The following PPP2R1A variants were observed in gnomAD, a reference collection of about 807,000 sequenced individuals.
PPP2R1A encodes the protein serine/threonine-protein phosphatase 2A 65 kDa regulatory subunit A alpha isoform.
Under a neutral mutation model 67.1 loss-of-function variants are expected in PPP2R1A, and 15 were observed. The observed-to-expected ratio is 0.22, with a 90% confidence interval of 0.15 to 0.34. The LOEUF (loss-of-function observed/expected upper bound fraction) is 0.34, where lower values mean the gene tolerates loss of function less well. Ranked by LOEUF, PPP2R1A falls within the 10% of genes least tolerant of loss-of-function variation. The pLI, the probability that PPP2R1A is intolerant of heterozygous loss-of-function variation, is 1.00. For missense variants in PPP2R1A, 369 were observed against 775.0 expected, an observed-to-expected ratio of 0.48 and a Z score of 6.22; for synonymous variants, 337 against 325.0, an observed-to-expected ratio of 1.04 and a Z score of -0.40.
Position 52,212,887 on chromosome 19 carries a change from C to T in PPP2R1A, c.651+54C>T, listed in dbSNP as rs945692319. On this transcript the variant is annotated intron_variant, in intron 5 of 14. Transcript: ENST00000322088. This position sits in a 1 kb window ranked among gnomAD's most constrained non-coding sequence, Gnocchi z 4.1. ...TCCCGTCCTTCTGGTGGTTCCTGCC[C>T]ATGAAAGAGAATCCCAGAGCTCAGC... The T allele has an allele frequency of 6.4e-7, 1 of 1,567,970 alleles. No individual in the cohort carries two copies. Among genetic ancestry groups the T allele is most frequent in the Non-Finnish European group, 8.7e-7 (1 of 1,155,428 alleles).
chr19:52,205,854 A>G, intron 2 of PPP2R1A, 109 bp from the exon 3 acceptor site: 1 of 873,650 alleles, frequency 1.1e-6, no homozygotes, highest in Non-Finnish European at 1.9e-6. Flanking sequence ...CGGATGGAAG[A>G]ACTGAGTGCT....
At chr19:52,195,203 G>A (rs1192335474) in intron 1 of PPP2R1A, among the ~76,000 whole-genome samples, 4 of 152,232 alleles carry the variant, frequency 2.6e-5, no homozygotes, top group South Asian at 2.1e-4. Context: ...GTGGGAAGGC[G>A]GATTTTATTT....
chr19:52,208,269 G>C (rs1335242738), intron 3 of PPP2R1A, among the ~76,000 whole-genome samples: 2 of 151,060 alleles, frequency 1.3e-5, no homozygotes, highest in African/African-American at 4.9e-5. Flanking sequence ...CCCAGGTTCA[G>C]GTGATTCTCC....
At chr19:52,191,539 G>C (rs949613411) in intron 1 of PPP2R1A, 6 of 152,140 alleles carry the variant, frequency 3.9e-5, no homozygotes, top group Admixed American at 2.0e-4. Flanking sequence ...TGCCAAACGT[G>C]GGTCTCGCCT....
At position 52,213,778 on chromosome 19, in the gene PPP2R1A, G is replaced by A. The variant is rs998493893; in HGVS notation, c.807+668G>A. On this transcript the variant is annotated intron_variant, in intron 6 of 14. Coordinates refer to ENST00000322088, the MANE Select transcript of PPP2R1A (RefSeq NM_014225.6). This position sits in a 1 kb window ranked among gnomAD's most constrained non-coding sequence, Gnocchi z 4.2. ...TGGGATTACAGGTGTTAGCCACCGC[G>A]CCCAGCCCCGGAAAGTTTAATTAAC... Among the ~76,000 whole-genome samples the A allele has an allele frequency of 2.6e-5, 4 of 151,928 alleles. No individual in the cohort carries two copies. The highest frequency in any genetic ancestry group is 9.7e-5 in the African/African-American group (4 of 41,334).
At position 52,214,924 on chromosome 19, in the gene PPP2R1A, C is replaced by G. The variant is rs200470028; in HGVS notation, c.808-855C>G. On this transcript the variant is annotated intron_variant, in intron 6 of 14. Transcript: ENST00000322088. Reference sequence around the variant, plus strand: ...TATTTTTAGTAGAGATGGGGTTTCACCATGTTGGCCAGGCTGGTCTCGAAT... The same window carrying G: ...TATTTTTAGTAGAGATGGGGTTTCAGCATGTTGGCCAGGCTGGTCTCGAAT... Among the ~76,000 whole-genome samples the G allele has an allele frequency of 3.5e-4, 54 of 152,238 alleles. No homozygotes were observed. The East Asian group carries it at 5.4e-3, about 15-fold the overall frequency.
rs945560047 is a variant in PPP2R1A, at chr19:52,211,420, G to A, written c.431G>A (p.Arg144His). 6.2e-7 allele frequency: 1 copy of A among 1,613,844 alleles called. No individual in the cohort carries two copies. The change falls in exon 4 of 15, where the codon CGC (arginine) becomes CAC (histidine). Residue 144 changes from arginine to histidine, a missense_variant. This residue lies in a region of PPP2R1A where 93 missense variants were observed against 266.5 expected (regional missense o/e 0.35). Transcript: ENST00000322088. The surrounding 1 kb of genome is among the most constrained non-coding windows in gnomAD (Gnocchi z 5.3). Reference sequence around the variant, plus strand: ...GCGGGCGGCGACTGGTTCACCTCCCGCACCTCGGCCTGCGGCCTCTTCTCC... The same window carrying A: ...GCGGGCGGCGACTGGTTCACCTCCCACACCTCGGCCTGCGGCCTCTTCTCC... ...RLAGGDWFTS[R>H]TSACGLFSVC...
At chr19:52,198,903 G>T (rs2089521600) in intron 1 of PPP2R1A, among the ~76,000 whole-genome samples, 1 of 152,188 alleles carries the variant, frequency 6.6e-6, no homozygotes, top group South Asian at 2.1e-4. Flanking sequence ...CAATCACTTG[G>T]ATTGCTGCCA....
chr19:52,210,798 C>T (rs2089660845), intron 3 of PPP2R1A, among the ~76,000 whole-genome samples: 1 of 152,126 alleles, frequency 6.6e-6, no homozygotes, highest in Admixed American at 6.5e-5. Flanking sequence ...GGCCCGTTTT[C>T]TCTTCTTTAA....
At chr19:52,199,772 C>CA (rs1167248864) in intron 1 of PPP2R1A, among the ~76,000 whole-genome samples, 1 of 152,198 alleles carries the variant, frequency 6.6e-6, no homozygotes, top group Non-Finnish European at 1.5e-5. Flanking sequence ...TATACTTACA[C>CA]CCCAGGTCAG....
At chr19:52,220,851 T>G in intron 11 of PPP2R1A, 128 bp from the exon 12 acceptor site, 3 of 1,120,530 alleles carry the variant, frequency 2.7e-6, no homozygotes, top group Non-Finnish European at 3.9e-6. Context: ...CTTTTTTCTC[T>G]CTTTGGCTCA....
rs921073356 is a variant in PPP2R1A, at chr19:52,228,532, C to T, written c.*2551C>T. The stretch of plus-strand genomic sequence containing the variant: ...ATTAAGTCCATTGTTAGGAGTGGTT[C>T]CTAATCTCCCAGGCTGCAGGCTTTG... On this transcript the variant is annotated 3_prime_UTR_variant, in exon 15 of 15. Transcript: ENST00000322088. 6.6e-6 allele frequency: 1 copy of T among 152,164 alleles called. No homozygotes were observed. The highest frequency in any genetic ancestry group is 6.5e-5 in the Admixed American group (1 of 15,274). 9.4% of individuals were successfully genotyped at this position (152,164 alleles called of 1,614,324 possible). A position where few individuals can be genotyped will look rare whatever the true frequency, so the allele number is the denominator to read the frequency against.
rs113927441 is a variant in PPP2R1A at position 52,208,531 on chromosome 19, G to A, written c.270+2468G>A. Among the ~76,000 whole-genome samples the A allele has an allele frequency of 9.9e-3, 1,468 of 148,550 alleles. 25 individuals carry two copies. The highest frequency in any genetic ancestry group is 0.035 in the African/African-American group (1,396 of 40,066). On this transcript the variant is annotated intron_variant, in intron 3 of 14. Transcript: ENST00000322088. ...TTATTTTTCTTTGAGACAGAGTCTC[G>A]CTCTGTCACCCAGGCTGGAGTGCAG...
chr19:52,222,333 C>T lies in PPP2R1A; in HGVS notation c.1661+92C>T, dbSNP rs540555077. The T allele has an allele frequency of 3.9e-5, 58 of 1,482,346 alleles. No homozygotes were observed. The African/African-American group carries it at 7.2e-4, about 18-fold the overall frequency. The allele number at this position is 1,482,346 out of a possible 1,614,324, so 91.8% of individuals were successfully genotyped here. ...TGAAGGTAGAGCCCAGGGTCAGAGGCCTGGCAGCGCTCCTTGCTTGCTGTG... is the reference window on the plus strand; with the variant it reads ...TGAAGGTAGAGCCCAGGGTCAGAGGTCTGGCAGCGCTCCTTGCTTGCTGTG... On this transcript the variant is annotated intron_variant, in intron 13 of 14. Transcript: ENST00000322088.
chr19:52,211,622 C>T lies in PPP2R1A; in HGVS notation c.503+130C>T. 1 of 910,898 alleles carries T rather than the reference C, an allele frequency of 1.1e-6. No individual in the cohort carries two copies. 56.4% of individuals were successfully genotyped at this position (910,898 alleles called of 1,614,324 possible). Reference sequence around the variant, plus strand: ...CTCTCTCCACTCCCACTCCTGCTTACCACCTGATAGGCCACATCCTCGAGA... The same window carrying T: ...CTCTCTCCACTCCCACTCCTGCTTATCACCTGATAGGCCACATCCTCGAGA... On this transcript the variant is annotated intron_variant, in intron 4 of 14. Transcript: ENST00000322088. The surrounding 1 kb of genome is among the most constrained non-coding windows in gnomAD (Gnocchi z 5.3).
intron 1 of PPP2R1A, among the ~76,000 whole-genome samples, chr19:52,192,589 C>T (rs1011022390): frequency 6.6e-6 from 1 of 152,156 alleles, no homozygotes; most frequent in Non-Finnish European, 1.5e-5. Flanking sequence ...GCTGGAATTA[C>T]AGGCGTGAGC....
rs1244620794 is a variant in PPP2R1A, at chr19:52,190,084, G to A, written c.-13G>A. 2 of 1,550,244 alleles carry A rather than the reference G, an allele frequency of 1.3e-6. No homozygotes were observed. The highest frequency in any genetic ancestry group is 1.2e-5 in the South Asian group (1 of 84,020). ...CGCTGGCCGCAGTCTGACAGGAAAG[G>A]GACGGAGCCAAGATGGCGGCGGCCG... On this transcript the variant is annotated 5_prime_UTR_variant, in exon 1 of 15. Transcript: ENST00000322088.
Position 52,227,593 on chromosome 19 carries a change from C to G in PPP2R1A, c.*1612C>G, listed in dbSNP as rs964747740. On this transcript the variant is annotated 3_prime_UTR_variant, in exon 15 of 15. Coordinates refer to ENST00000322088, the MANE Select transcript of PPP2R1A (RefSeq NM_014225.6). Reference sequence around the variant, plus strand: ...AATGATGCTTGAGCACATTTTGACCCAGGTGGTGGAAGGGAAATGTGGCTT... The same window carrying G: ...AATGATGCTTGAGCACATTTTGACCGAGGTGGTGGAAGGGAAATGTGGCTT... 4 of 152,168 alleles carry G rather than the reference C, an allele frequency of 2.6e-5. No homozygotes were observed. Among genetic ancestry groups the G allele is most frequent in the African/African-American group, 9.7e-5 (4 of 41,424 alleles). The allele number at this position is 152,168 out of a possible 1,614,324, so 9.4% of individuals were successfully genotyped here. A position where few individuals can be genotyped will look rare whatever the true frequency, so the allele number is the denominator to read the frequency against.
chr19:52,216,476 T>C lies in PPP2R1A; in HGVS notation c.994-53T>C. 1 of 1,610,202 alleles carries C rather than the reference T, an allele frequency of 6.2e-7. No individual in the cohort carries two copies. The highest frequency in any genetic ancestry group is 8.5e-7 in the Non-Finnish European group (1 of 1,177,280). On this transcript the variant is annotated intron_variant, in intron 8 of 14. Transcript: ENST00000322088. The surrounding 1 kb of genome is among the most constrained non-coding windows in gnomAD (Gnocchi z 4.3). ...TAGGAGTTGGCATCTGCTTAGCCAC[T>C]TGCTGCTGCAGGGGTTGCACTGACC...
Sources: gnomAD v4.1 joint callset for allele counts (sites outside exome capture counted in the v4.1 genomes callset) on GRCh38, gnomAD v4.1.1 for gene constraint, gnomAD v4.1.1 regional missense constraint, Gnocchi (gnomAD v3.1) non-coding constraint, MANE v1.5 for transcripts, NCBI Gene and HGNC (gene_info 2026-07-23, HGNC 2026-07-21) for gene names.